Variants in PATJ observed in about 807,000 individuals in gnomAD.
The protein encoded by PATJ is PATJ crumbs cell polarity complex component, also known as inaD-like protein.
In PATJ, 190 loss-of-function variants were observed where a neutral mutation model predicts 224.9. The ratio of observed to expected loss-of-function variants is 0.84; its 90% CI spans 0.75 to 0.95. PATJ has a LOEUF of 0.95. Ranked by LOEUF, PATJ falls within the 40% of genes least tolerant of loss-of-function variation. The probability of loss-of-function intolerance (pLI) is 0.00; values close to 1 mark genes in which losing one functional copy is unlikely to be tolerated. For missense variants in PATJ, 2,121 were observed against 2,270.3 expected, an observed-to-expected ratio of 0.93 and a Z score of 1.34; for synonymous variants, 769 against 820.3, an observed-to-expected ratio of 0.94 and a Z score of 1.07.
chr1:62,113,368 G>A (rs1042744774), intron 34 of PATJ, among the ~76,000 whole-genome samples: 4 of 152,168 alleles, frequency 2.6e-5, no homozygotes, highest in Non-Finnish European at 4.4e-5. Context: ...CAGGCATGGT[G>A]CCTCATGCCT....
At chr1:62,048,279 G>C (rs2148570310) in intron 30 of PATJ, among the ~76,000 whole-genome samples, 1 of 152,200 alleles carries the variant, frequency 6.6e-6, no homozygotes, top group Middle Eastern at 3.4e-3. Flanking sequence ...GGGCGTGGTG[G>C]CTCACACTGT....
intron 27 of PATJ, among the ~76,000 whole-genome samples, chr1:61,945,404 A>C (rs1423869763): frequency 1.0e-5 from 1 of 100,478 alleles, no homozygotes; most frequent in Non-Finnish European, 2.2e-5. Flanking sequence ...AATGGAAAAC[A>C]AAAAAAAAAG....
intron 31 of PATJ, among the ~76,000 whole-genome samples, chr1:62,071,870 A>G (rs1657483599): frequency 6.6e-6 from 1 of 152,180 alleles, no homozygotes; most frequent in South Asian, 2.1e-4. Flanking sequence ...CCTACCTTCC[A>G]GATCAGCTTA....
intron 15 of PATJ, among the ~76,000 whole-genome samples, chr1:61,824,429 C>T (rs1356137179): frequency 7.2e-6 from 1 of 138,260 alleles, no homozygotes; most frequent in Non-Finnish European, 1.5e-5. Context: ...ACCTTTTTTC[C>T]TTTTTTTTTT....
intron 41 of PATJ, among the ~76,000 whole-genome samples, chr1:62,146,025 G>A (rs959378412): frequency 3.9e-5 from 6 of 152,062 alleles, no homozygotes; most frequent in Non-Finnish European, 7.4e-5. Context: ...AGCGGGGAAG[G>A]GGAACATGAA....
At chr1:61,866,214 A>T (rs2148965116) in intron 20 of PATJ, among the ~76,000 whole-genome samples, 1 of 152,330 alleles carries the variant, frequency 6.6e-6, no homozygotes, top group East Asian at 1.9e-4. Context: ...ATTCATAAAA[A>T]TTCCCTTGTT....
At chr1:62,125,271 A>AAAT (rs1665603867) in intron 39 of PATJ, among the ~76,000 whole-genome samples, 1 of 149,402 alleles carries the variant, frequency 6.7e-6, no homozygotes, top group African/African-American at 2.5e-5. Context: ...AAACAAAAAA[A>AAAT]AAACGCCATT....
intron 1 of PATJ, among the ~76,000 whole-genome samples, chr1:61,762,127 A>T (rs1646003952): frequency 6.6e-6 from 1 of 152,184 alleles, no homozygotes; most frequent in Admixed American, 6.5e-5. Flanking sequence ...TAAAATATTC[A>T]ACAATGCCAA....
intron 3 of PATJ, among the ~76,000 whole-genome samples, chr1:61,765,114 GC>G (rs1430441813): frequency 1.2e-5 from 1 of 83,456 alleles, no homozygotes; most frequent in East Asian, 4.0e-4. Context: ...CAGAGTATTT[GC>G]CTGGGCTAGA....
chr1:61,980,681 C>T (rs1644405094), intron 27 of PATJ, among the ~76,000 whole-genome samples: 1 of 152,014 alleles, frequency 6.6e-6, no homozygotes, highest in African/African-American at 2.4e-5. Context: ...ATCCTTTTCT[C>T]ACCCCATTGG....
intron 11 of PATJ, among the ~76,000 whole-genome samples, chr1:61,800,430 GT>G (rs1373205903): frequency 2.0e-5 from 3 of 152,110 alleles, no homozygotes; most frequent in Non-Finnish European, 4.4e-5. Flanking sequence ...ATGGTGGGTT[GT>G]TTTATTGTTA....
At chr1:62,106,063 A>T (rs372888731) in intron 33 of PATJ, among the ~76,000 whole-genome samples, 1,935 of 39,548 alleles carry the variant, frequency 0.049, 129 homozygotes, top group South Asian at 0.085. Context: ...AAAAAAAAAA[A>T]ATATATATAT....
intron 25 of PATJ, among the ~76,000 whole-genome samples, chr1:61,911,155 A>T (rs1672577449): frequency 1.3e-5 from 2 of 152,124 alleles, no homozygotes; most frequent in African/African-American, 4.8e-5. Flanking sequence ...TGTGTGCATT[A>T]TCAGCTGCCT....
At chr1:61,877,128 A>G (rs1040011662) in intron 21 of PATJ, among the ~76,000 whole-genome samples, 2 of 152,270 alleles carry the variant, frequency 1.3e-5, no homozygotes, top group East Asian at 3.9e-4. Flanking sequence ...TCTCTTAACT[A>G]CACACTAAGC....
chr1:62,137,463 GCACA>G (rs1296985347), intron 41 of PATJ, among the ~76,000 whole-genome samples: 3 of 23,262 alleles, frequency 1.3e-4, no homozygotes, highest in East Asian at 2.8e-3. Flanking sequence ...GAGTGAGGGG[GCACA>G]GCAGCCTGAG....
chr1:61,771,118 G>A (rs1452629319), intron 5 of PATJ, among the ~76,000 whole-genome samples: 1 of 152,094 alleles, frequency 6.6e-6, no homozygotes, highest in Non-Finnish European at 1.5e-5. Context: ...TTGGGTTCAT[G>A]CAGTAATGGA....
chr1:61,816,732 G>C (rs768900118), intron 14 of PATJ, among the ~76,000 whole-genome samples: 14 of 152,138 alleles, frequency 9.2e-5, no homozygotes, highest in Non-Finnish European at 1.6e-4. Flanking sequence ...AAGCAATGCT[G>C]TTATCAGTTC....
intron 33 of PATJ, among the ~76,000 whole-genome samples, chr1:62,098,383 AAAG>A (rs1558164424): frequency 1.3e-5 from 2 of 151,210 alleles, no homozygotes. Context: ...AAAAGAAAAA[AAAG>A]AAGTTTGAGG....
intron 29 of PATJ, among the ~76,000 whole-genome samples, chr1:62,023,290 C>CAAA (rs10600520): frequency 0.15 from 15,568 of 104,586 alleles, 985 homozygotes; most frequent in Middle Eastern, 0.28. Context: ...AAGTCCATCT[C>CAAA]AAAAAAAAAA....
Sources: allele counts gnomAD v4.1 joint callset (sites outside exome capture counted in the v4.1 genomes callset), GRCh38; gene constraint gnomAD v4.1.1; transcripts MANE v1.5; gene names NCBI Gene and HGNC (gene_info 2026-07-23, HGNC 2026-07-21).